TUT4: variants seen among roughly 807,000 people sequenced by gnomAD.
TUT4 encodes the protein terminal uridylyltransferase 4.
Under a neutral mutation model 192.2 loss-of-function variants are expected in TUT4, and 36 were observed. The observed-to-expected ratio is 0.19, with a 90% CI of 0.14 to 0.25. TUT4 has a LOEUF of 0.25. Ranked by LOEUF, TUT4 falls within the 10% of genes least tolerant of loss-of-function variation. TUT4 has a pLI of 1.00. For synonymous variants in TUT4, 618 were observed against 666.0 expected, an observed-to-expected ratio of 0.93 and a Z score of 1.11; for missense variants, 1,493 against 1,957.2, an observed-to-expected ratio of 0.76 and a Z score of 4.47.
rs1672688625 is a variant in TUT4 at position 52,497,280 on chromosome 1, A to G, written c.1000-97T>C. 8.9e-6 allele frequency: 11 copies of G among 1,234,840 alleles called. No homozygotes were observed. The South Asian group carries it at 1.9e-4, about 21-fold the overall frequency. The allele number at this position is 1,234,840 out of a possible 1,614,324, so 76.5% of individuals were successfully genotyped here. A position where few individuals can be genotyped will look rare whatever the true frequency, so the allele number is the denominator to read the frequency against. On this transcript the variant is annotated intron_variant, in intron 4 of 29. Coordinates refer to ENST00000257177, the MANE Select transcript of TUT4 (RefSeq NM_001009881.3). ...GGAAAGACAGAAATAAACTAACTCAACAAAAATATTCACCTTCCATCTACC... is the reference window on the plus strand; with the variant it reads ...GGAAAGACAGAAATAAACTAACTCAGCAAAAATATTCACCTTCCATCTACC...
chr1:52,439,142 C>T (rs959926932), intron 24 of TUT4, among the ~76,000 whole-genome samples: 3 of 151,122 alleles, frequency 2.0e-5, no homozygotes, highest in African/African-American at 7.3e-5. Context: ...CCACTCAAGG[C>T]CAGGAGTTTG....
At chr1:52,502,273 T>C (rs981941836) in intron 4 of TUT4, among the ~76,000 whole-genome samples, 1 of 152,068 alleles carries the variant, frequency 6.6e-6, no homozygotes, top group African/African-American at 2.4e-5. Flanking sequence ...CCCTCTCCAA[T>C]ATTTTTGACA....
chr1:52,539,648 TG>T (rs1685954355), intron 1 of TUT4, among the ~76,000 whole-genome samples: 1 of 152,068 alleles, frequency 6.6e-6, no homozygotes, highest in Non-Finnish European at 1.5e-5. Flanking sequence ...CACAGCACTT[TG>T]GGAGGCCGAG....
chr1:52,487,084 T>G (rs1433605425), intron 9 of TUT4, among the ~76,000 whole-genome samples: 1 of 152,168 alleles, frequency 6.6e-6, no homozygotes, highest in Non-Finnish European at 1.5e-5. Context: ...AATTATCTAA[T>G]AGCATTACCA....
chr1:52,546,012 G>A (rs1485940296), intron 1 of TUT4, among the ~76,000 whole-genome samples: 10 of 149,752 alleles, frequency 6.7e-5, no homozygotes, highest in Non-Finnish European at 1.0e-4. Context: ...GGTCGCAAGC[G>A]CCCACAGTCC....
intron 3 of TUT4, among the ~76,000 whole-genome samples, chr1:52,510,534 T>C (rs571538274): frequency 2.6e-5 from 4 of 152,226 alleles, no homozygotes; most frequent in South Asian, 2.1e-4. Context: ...CACAGTATCA[T>C]GGGGATAAAT....
rs1457688166 is a variant in TUT4, at chr1:52,488,988, G to C, written c.1436C>G (p.Thr479Ser). 6.2e-7 allele frequency: 1 copy of C among 1,613,790 alleles called. No individual in the cohort carries two copies. Among genetic ancestry groups the C allele is most frequent in the South Asian group, 1.1e-5 (1 of 91,044 alleles). The part of the protein sequence containing the change: ...VSAGNDMACL[T>S]TDLLTALGKI... ...GCCAAGGGCAGTAAGTAAATCAGTA[G>C]TGAGACATGCCATATCGTTTCCTGC... Residue 479 changes from threonine (T) to serine (S), a missense_variant, in exon 9 of 30, where the codon ACT becomes AGT. Physicochemically the swap from Thr to Ser is moderately conservative, Grantham distance 58. Coordinates refer to ENST00000257177, the MANE Select transcript of TUT4 (RefSeq NM_001009881.3).
At chr1:52,506,392 C>A (rs897625547) in intron 4 of TUT4, among the ~76,000 whole-genome samples, 1 of 152,138 alleles carries the variant, frequency 6.6e-6, no homozygotes, top group Admixed American at 6.5e-5. Context: ...TATTCACAGA[C>A]TGAACTGGGA....
intron 1 of TUT4, among the ~76,000 whole-genome samples, chr1:52,543,690 G>A (rs1304398735): frequency 7.9e-5 from 12 of 151,708 alleles, no homozygotes; most frequent in Admixed American, 7.9e-4. Flanking sequence ...CACCATGTTG[G>A]TCAGGCTGGT....
intron 20 of TUT4, among the ~76,000 whole-genome samples, chr1:52,452,861 T>C (rs941235603): frequency 6.6e-6 from 1 of 152,158 alleles, no homozygotes; most frequent in South Asian, 2.1e-4. Flanking sequence ...CAGTCAGAAG[T>C]TCTGGAGGGC....
In TUT4 at chr1:52,526,121, T is replaced by C. The variant is rs372643169; in HGVS notation, c.160A>G (p.Ser54Gly). The change falls in exon 2 of 30, where the codon AGT becomes GGT. Residue 54 changes from serine to glycine, a missense_variant. Transcript: ENST00000257177. The part of the protein sequence containing the change: ...EIENSSPNRN[S>G]SKKNKQNDIC... ...TCATTTTGCTTATTTTTTTTACTACTATTCCTATTTGGAGAGCTGTTCTCA... is the reference window on the plus strand; with the variant it reads ...TCATTTTGCTTATTTTTTTTACTACCATTCCTATTTGGAGAGCTGTTCTCA... 6.2e-6 allele frequency: 10 copies of C among 1,610,680 alleles called. No individual in the cohort carries two copies. Among genetic ancestry groups the C allele is most frequent in the Non-Finnish European group, 7.6e-6 (9 of 1,179,238 alleles).
intron 13 of TUT4, among the ~76,000 whole-genome samples, chr1:52,474,284 T>G (rs1666542309): frequency 6.6e-6 from 1 of 152,186 alleles, no homozygotes; most frequent in South Asian, 2.1e-4. Flanking sequence ...CTGTAATTCA[T>G]ATAGGATAAG....
intron 24 of TUT4, among the ~76,000 whole-genome samples, chr1:52,439,244 A>T (rs1225046059): frequency 6.6e-6 from 1 of 152,166 alleles, no homozygotes. Context: ...AACTAAAAAT[A>T]AATAAATTAA....
chr1:52,498,661 C>T (rs1056995280), intron 4 of TUT4, among the ~76,000 whole-genome samples: 2 of 151,376 alleles, frequency 1.3e-5, no homozygotes, highest in African/African-American at 2.4e-5. Flanking sequence ...CCAAGGCAGG[C>T]GTATCACTTA....
intron 1 of TUT4, among the ~76,000 whole-genome samples, chr1:52,538,260 A>C (rs1685504109): frequency 6.6e-6 from 1 of 152,072 alleles, no homozygotes; most frequent in African/African-American, 2.4e-5. Context: ...AAATAATTAG[A>C]CCTAACAGAT....
At chr1:52,491,462 G>A (rs967588495) in intron 7 of TUT4, among the ~76,000 whole-genome samples, 1 of 152,128 alleles carries the variant, frequency 6.6e-6, no homozygotes, top group Admixed American at 6.5e-5. Flanking sequence ...GGCCGAGGTG[G>A]GTGGATCACG....
At chr1:52,543,199 T>G (rs1157966348) in intron 1 of TUT4, among the ~76,000 whole-genome samples, 2 of 152,278 alleles carry the variant, frequency 1.3e-5, no homozygotes, top group East Asian at 3.9e-4. Flanking sequence ...TAGAAAACCC[T>G]AAAGATTATA....
chr1:52,513,725 A>T (rs995879738), intron 3 of TUT4, among the ~76,000 whole-genome samples: 2 of 151,900 alleles, frequency 1.3e-5, no homozygotes, highest in African/African-American at 4.8e-5. Context: ...TTCCTGCTTC[A>T]CTCCTATGTA....
At chr1:52,427,728 T>C (rs1650456073) in intron 28 of TUT4, among the ~76,000 whole-genome samples, 1 of 152,238 alleles carries the variant, frequency 6.6e-6, no homozygotes, top group African/African-American at 2.4e-5. Flanking sequence ...AGCAAAATAA[T>C]GGATACTGGC....
Sources: gnomAD v4.1 joint callset for allele counts (sites outside exome capture counted in the v4.1 genomes callset) on GRCh38, gnomAD v4.1.1 for gene constraint, MANE v1.5 for transcripts, NCBI Gene and HGNC (gene_info 2026-07-23, HGNC 2026-07-21) for gene names.